The following CD300LF variants were observed in gnomAD, a reference collection of about 807,000 sequenced individuals.
CD300LF encodes CMRF35-like molecule 1.
CD300LF carries 27 observed loss-of-function variants against 32.2 expected under a neutral mutation model. The observed-to-expected ratio is 0.84, with a 90% confidence interval of 0.62 to 1.15. CD300LF has a LOEUF of 1.15. CD300LF is among the 50% of genes most tolerant of loss of function. The pLI is 0.00. For synonymous variants in CD300LF, 139 were observed against 143.2 expected, an observed-to-expected ratio of 0.97 and a Z score of 0.21; for missense variants, 348 against 356.8, an observed-to-expected ratio of 0.98 and a Z score of 0.20.
At position 74,694,861 on chromosome 17, in the gene CD300LF, C is replaced by A; in HGVS notation, c.*235G>T. 1 of 447,274 alleles carries A rather than the reference C, an allele frequency of 2.2e-6. No homozygotes were observed. 27.7% of individuals were successfully genotyped at this position (447,274 alleles called of 1,614,324 possible). A position where few individuals can be genotyped will look rare whatever the true frequency, so the allele number is the denominator to read the frequency against. On this transcript the variant is annotated 3_prime_UTR_variant, in exon 7 of 7. Transcript: ENST00000326165. ...TTCCCATGAAAGCCCCAGAGCATAT[C>A]CCTAGCCCCCTCCTCAACTATGTAG...
intron 3 of CD300LF, among the ~76,000 whole-genome samples, chr17:74,701,941 G>A (rs2033089537): frequency 6.6e-6 from 1 of 151,536 alleles, no homozygotes; most frequent in Non-Finnish European, 1.5e-5. Flanking sequence ...AGAATTGCTT[G>A]AACATGAGAG....
rs1360951738 is a variant in CD300LF at position 74,695,046 on chromosome 17, G to T, written c.*50C>A. The T allele has an allele frequency of 6.3e-6, 10 of 1,581,564 alleles. No individual in the cohort carries two copies. Among genetic ancestry groups the T allele is most frequent in the Non-Finnish European group, 8.6e-6 (10 of 1,161,244 alleles). On this transcript the variant is annotated 3_prime_UTR_variant, in exon 7 of 7. Transcript: ENST00000326165. ...GAGCAGGGGGCAGACGGTCGATGAG[G>T]CAGGAGTGTGCTCACAGCCTGGGGT...
chr17:74,708,618 T>TA (rs1386850071), intron 1 of CD300LF, among the ~76,000 whole-genome samples: 4 of 152,116 alleles, frequency 2.6e-5, no homozygotes, highest in Admixed American at 6.6e-5. Context: ...TTTTTAACAT[T>TA]AAAAAATCAA....
chr17:74,702,892 G>C, intron 3 of CD300LF, 143 bp downstream of exon 3: 1 of 660,390 alleles, frequency 1.5e-6, no homozygotes, highest in Non-Finnish European at 2.7e-6. Context: ...GACAGCAAGT[G>C]GGAAGGGCTC....
chr17:74,696,277 C>A, intron 4 of CD300LF, 60 bp from the exon 5 acceptor site: 1 of 1,548,302 alleles, frequency 6.5e-7, no homozygotes, highest in Non-Finnish European at 8.7e-7. Flanking sequence ...ACAAGAACCC[C>A]CAGGTCTAGG....
chr17:74,712,890 T>A lies in CD300LF; in HGVS notation c.-24A>T. On this transcript the variant is annotated 5_prime_UTR_variant, in exon 1 of 7. Transcript: ENST00000326165. The stretch of plus-strand genomic sequence containing the variant: ...ATCTTCTCTTCAGACAGGTCCCCGT[T>A]CCCCTCAGTGGAGCCTGGCAGCAGG... 1 of 1,613,334 alleles carries A rather than the reference T, an allele frequency of 6.2e-7. No homozygotes were observed. Among genetic ancestry groups the A allele is most frequent in the Non-Finnish European group, 8.5e-7 (1 of 1,179,514 alleles).
chr17:74,702,120 G>C (rs1432597706), intron 3 of CD300LF, among the ~76,000 whole-genome samples: 1 of 152,070 alleles, frequency 6.6e-6, no homozygotes, highest in Non-Finnish European at 1.5e-5. Context: ...TAGAATACCG[G>C]GGACCTCCCA....
intron 3 of CD300LF, among the ~76,000 whole-genome samples, chr17:74,701,326 CT>C (rs1170401386): frequency 2.0e-5 from 3 of 152,156 alleles, no homozygotes; most frequent in African/African-American, 2.4e-5. Flanking sequence ...TTCTTGTACC[CT>C]TTTTAATTCC....
At chr17:74,698,587 C>T in intron 3 of CD300LF, 106 bp from the exon 4 acceptor site, 1 of 1,517,178 alleles carries the variant, frequency 6.6e-7, no homozygotes, top group Admixed American at 2.0e-5. Context: ...TGATGAGCTG[C>T]AGGTCTGTAG....
At chr17:74,705,147 G>T (rs1358564430) in intron 1 of CD300LF, 8 of 686,382 alleles carry the variant, frequency 1.2e-5, no homozygotes, top group Non-Finnish European at 2.2e-5. Context: ...CCATCTTTGT[G>T]TTAGTCCAGT....
At chr17:74,705,844 C>A (rs1344736592) in intron 1 of CD300LF, among the ~76,000 whole-genome samples, 1 of 152,232 alleles carries the variant, frequency 6.6e-6, no homozygotes, top group African/African-American at 2.4e-5. Context: ...ATCCACCCAC[C>A]TCAGCCTCAC....
At position 74,695,076 on chromosome 17, in the gene CD300LF, G is replaced by C. The variant is rs376373504; in HGVS notation, c.*20C>G. 1.9e-5 allele frequency: 30 copies of C among 1,606,362 alleles called. No homozygotes were observed. The highest frequency in any genetic ancestry group is 2.6e-5 in the Non-Finnish European group (30 of 1,176,150). ...AGTGTGCTCACAGCCTGGGGTCCAAGAAGGAGCCTGGAGTGCAGGCTAAGG... is the reference window on the plus strand; with the variant it reads ...AGTGTGCTCACAGCCTGGGGTCCAACAAGGAGCCTGGAGTGCAGGCTAAGG... On this transcript the variant is annotated 3_prime_UTR_variant, in exon 7 of 7. Coordinates refer to ENST00000326165, the MANE Select transcript of CD300LF (RefSeq NM_139018.5).
chr17:74,699,260 G>A (rs1472962519), intron 3 of CD300LF, among the ~76,000 whole-genome samples: 2 of 152,144 alleles, frequency 1.3e-5, no homozygotes, highest in Non-Finnish European at 2.9e-5. Context: ...GTTCCATGAG[G>A]TGGTTTTAAT....
chr17:74,712,694 G>T (rs760040880), intron 1 of CD300LF, 130 bp downstream of exon 1: 53 of 870,022 alleles, frequency 6.1e-5, no homozygotes, highest in Non-Finnish European at 9.4e-5. Context: ...GTGAATGGTG[G>T]GTATGTGGAT....
In CD300LF at chr17:74,704,327, C is replaced by T. The variant is rs1356524496; in HGVS notation, c.382+151G>A. On this transcript the variant is annotated intron_variant, in intron 2 of 6. Transcript: ENST00000326165. ...GGGGGCATTGAAGAGAGGCCCTGCT[C>T]CCCCAGTCCCAGGTGGTCAGTCAGG... The T allele has an allele frequency of 4.7e-6, 3 of 632,552 alleles. No individual in the cohort carries two copies. The South Asian group carries it at 5.9e-5, about 12-fold the overall frequency. 39.2% of individuals were successfully genotyped at this position (632,552 alleles called of 1,614,324 possible).
At chr17:74,700,578 T>C (rs1162158978) in intron 3 of CD300LF, among the ~76,000 whole-genome samples, 1 of 152,008 alleles carries the variant, frequency 6.6e-6, no homozygotes, top group African/African-American at 2.4e-5. Flanking sequence ...CCATCTCTAC[T>C]AAAAATACAA....
At position 74,695,174 on chromosome 17, in the gene CD300LF, G is replaced by A. The variant is rs1273315203; in HGVS notation, c.795C>T (p.Asn265=). 9 of 1,614,142 alleles carry A rather than the reference G, an allele frequency of 5.6e-6. No individual in the cohort carries two copies. In the South Asian group the frequency reaches 9.9e-5, roughly 18 times the overall value. ...GGAGGTGGCTACTGAGGTGGCCCAT[G>A]TTGCAGTAGGTCGGTTCCTGATCCT... ...GAEDQEPTYC[N]MGHLSSHLPG... is the part of the protein sequence containing the mutation. The change falls in exon 7 of 7, where the codon AAC becomes AAT. Residue 265 remains asparagine (N), a synonymous_variant. Coordinates refer to ENST00000326165, the MANE Select transcript of CD300LF (RefSeq NM_139018.5).
At chr17:74,701,487 T>C (rs2033045978) in intron 3 of CD300LF, among the ~76,000 whole-genome samples, 1 of 152,204 alleles carries the variant, frequency 6.6e-6, no homozygotes, top group South Asian at 2.1e-4. Flanking sequence ...TAACCTTAAC[T>C]ATTACTTATT....
chr17:74,698,318 T>C (rs1598215046), intron 4 of CD300LF, 51 bp downstream of exon 4: 1 of 1,302,136 alleles, frequency 7.7e-7, no homozygotes, highest in Non-Finnish European at 1.1e-6. Flanking sequence ...AGATGCCACA[T>C]CCCCAGCCAC....
Sources: allele counts gnomAD v4.1 joint callset (sites outside exome capture counted in the v4.1 genomes callset), GRCh38; gene constraint gnomAD v4.1.1; transcripts MANE v1.5; gene names NCBI Gene and HGNC (gene_info 2026-07-23, HGNC 2026-07-21).